Variants in ATP2B2 observed in about 807,000 individuals in gnomAD.
The protein encoded by ATP2B2 is plasma membrane calcium-transporting ATPase 2.
ATP2B2 carries 15 observed loss-of-function variants against 120.0 expected under a neutral mutation model. That is an observed-to-expected ratio of 0.12 (90% CI 0.08 to 0.19). ATP2B2 has a LOEUF of 0.19. ATP2B2 is among the 10% of genes least tolerant of loss of function. The pLI is 1.00. For synonymous variants in ATP2B2, 694 were observed against 700.3 expected, an observed-to-expected ratio of 0.99 and a Z score of 0.14; for missense variants, 1,045 against 1,719.8, an observed-to-expected ratio of 0.61 and a Z score of 6.94.
chr3:10,578,360 T>A (rs1344001622), intron 2 of ATP2B2, among the ~76,000 whole-genome samples: 1 of 150,782 alleles, frequency 6.6e-6, no homozygotes, highest in African/African-American at 2.5e-5. Context: ...CTGGCTAACA[T>A]GGTGAAATCC....
chr3:10,665,726 G>A (rs1159304710), intron 1 of ATP2B2, among the ~76,000 whole-genome samples: 4 of 152,174 alleles, frequency 2.6e-5, no homozygotes, highest in African/African-American at 9.7e-5. Context: ...CTCCCCTCCT[G>A]GCATCTAAGC....
chr3:10,670,900 C>T (rs1430343626), intron 1 of ATP2B2, among the ~76,000 whole-genome samples: 4 of 152,170 alleles, frequency 2.6e-5, no homozygotes, highest in Non-Finnish European at 5.9e-5. Flanking sequence ...AGAGCTGCTG[C>T]CATATGAGGT....
At chr3:10,565,753 T>C (rs2125536761) in intron 2 of ATP2B2, among the ~76,000 whole-genome samples, 2 of 152,302 alleles carry the variant, frequency 1.3e-5, no homozygotes, top group Middle Eastern at 6.8e-3. Context: ...TATTGCTAGC[T>C]GGTGACTTGG....
intron 1 of ATP2B2, among the ~76,000 whole-genome samples, chr3:10,707,092 C>A (rs1273278086): frequency 6.6e-6 from 1 of 152,198 alleles, no homozygotes; most frequent in Non-Finnish European, 1.5e-5. Context: ...CTGGGTGAGT[C>A]CCAGTGTCCC....
chr3:10,535,420 GCT>G (rs2067294381), intron 2 of ATP2B2, among the ~76,000 whole-genome samples: 1 of 135,036 alleles, frequency 7.4e-6, no homozygotes, highest in South Asian at 2.4e-4. Flanking sequence ...TGTGTGTGTA[GCT>G]CTATGAAATG....
chr3:10,672,384 G>T (rs1161298003), intron 1 of ATP2B2, among the ~76,000 whole-genome samples: 1 of 152,206 alleles, frequency 6.6e-6, no homozygotes, highest in African/African-American at 2.4e-5. Flanking sequence ...GGACAGAAAT[G>T]CGCAAAAGGA....
At chr3:10,622,524 G>C (rs2069578960) in intron 1 of ATP2B2, among the ~76,000 whole-genome samples, 1 of 152,128 alleles carries the variant, frequency 6.6e-6, no homozygotes, top group South Asian at 2.1e-4. Flanking sequence ...GATGGTTCTG[G>C]AATGATATGT....
chr3:10,660,894 C>G (rs1298705559), intron 1 of ATP2B2, among the ~76,000 whole-genome samples: 2 of 152,222 alleles, frequency 1.3e-5, no homozygotes, highest in Non-Finnish European at 2.9e-5. Context: ...AAAAGCTTAT[C>G]TACCATGATC....
At chr3:10,578,986 A>G (rs2068320254) in intron 2 of ATP2B2, among the ~76,000 whole-genome samples, 1 of 152,196 alleles carries the variant, frequency 6.6e-6, no homozygotes, top group Non-Finnish European at 1.5e-5. Flanking sequence ...GGTATTGGTC[A>G]TGCATGTAGA....
chr3:10,555,258 G>A (rs1315993329), intron 2 of ATP2B2, among the ~76,000 whole-genome samples: 1 of 152,232 alleles, frequency 6.6e-6, no homozygotes, highest in African/African-American at 2.4e-5. Context: ...GCAACTGGCT[G>A]TTTCCTCTCA....
At chr3:10,681,715 A>G (rs1038444566) in intron 1 of ATP2B2, among the ~76,000 whole-genome samples, 2 of 152,212 alleles carry the variant, frequency 1.3e-5, no homozygotes, top group African/African-American at 4.8e-5. Flanking sequence ...TGCAGGTCCT[A>G]TTATTATTAG....
At chr3:10,408,559 G>A (rs2062497207) in intron 3 of ATP2B2, among the ~76,000 whole-genome samples, 1 of 152,152 alleles carries the variant, frequency 6.6e-6, no homozygotes, top group Non-Finnish European at 1.5e-5. Context: ...GGCGGCCTGA[G>A]CTAGTGCCCC....
chr3:10,367,737 C>T (rs1575032966), intron 12 of ATP2B2, among the ~76,000 whole-genome samples: 1 of 152,156 alleles, frequency 6.6e-6, no homozygotes, highest in African/African-American at 2.4e-5. Context: ...CGGGTACTCT[C>T]GGCATGTGGC....
intron 1 of ATP2B2, among the ~76,000 whole-genome samples, chr3:10,488,071 A>G (rs951802196): frequency 6.6e-6 from 1 of 151,736 alleles, no homozygotes; most frequent in Non-Finnish European, 1.5e-5. Context: ...CCACCAAACC[A>G]TCCACCTATC....
At chr3:10,481,005 G>T (rs972581736) in intron 1 of ATP2B2, among the ~76,000 whole-genome samples, 1 of 152,182 alleles carries the variant, frequency 6.6e-6, no homozygotes, top group Non-Finnish European at 1.5e-5. Flanking sequence ...CATCCCGCCT[G>T]CCACCTAGTC....
chr3:10,698,828 C>T (rs189859677), intron 1 of ATP2B2, among the ~76,000 whole-genome samples: 8 of 152,306 alleles, frequency 5.3e-5, no homozygotes, highest in Non-Finnish European at 1.0e-4. Flanking sequence ...TCGCTTTGCT[C>T]CTCTGTAAAA....
chr3:10,632,635 T>G (rs1461652978), intron 1 of ATP2B2, among the ~76,000 whole-genome samples: 1 of 152,236 alleles, frequency 6.6e-6, no homozygotes, highest in East Asian at 1.9e-4. Flanking sequence ...AGCTCTGGCC[T>G]TGCCACAAAG....
chr3:10,389,050 C>T (rs1423004352), intron 5 of ATP2B2, among the ~76,000 whole-genome samples: 2 of 151,264 alleles, frequency 1.3e-5, no homozygotes, highest in Non-Finnish European at 2.9e-5. Context: ...AGGTGTGGCA[C>T]ATGATGATAC....
rs1176735702 is a variant in ATP2B2, at chr3:10,347,406, T to TCCTTGCGCATCTCTCTGCTCTGTG, written c.2405-1293_2405-1270dup. On this transcript the variant is annotated intron_variant, in intron 16 of 22. Transcript: ENST00000360273. The surrounding 1 kb of genome is among the most constrained non-coding windows in gnomAD (Gnocchi z 5.2). The stretch of plus-strand genomic sequence containing the variant: ...CCATGTAACTCTATGTGCTGCTCCA[T>TCCTTGCGCATCTCTCTGCTCTGTG]CCTTGCGCATCTCTCTGCTCTGTGC... 6.6e-6 allele frequency among the ~76,000 whole-genome samples: 1 copy of TCCTTGCGCATCTCTCTGCTCTGTG among 152,218 alleles called. No homozygotes were observed. The highest frequency in any genetic ancestry group is 1.9e-4 in the East Asian group (1 of 5,194).
Sources: gnomAD v4.1 joint callset for allele counts (sites outside exome capture counted in the v4.1 genomes callset) on GRCh38, gnomAD v4.1.1 for gene constraint, Gnocchi (gnomAD v3.1) non-coding constraint, MANE v1.5 for transcripts, NCBI Gene and HGNC (gene_info 2026-07-23, HGNC 2026-07-21) for gene names.